The following DPP8 variants were observed in gnomAD, a reference collection of about 807,000 sequenced individuals.
DPP8 encodes dipeptidyl peptidase 8, also known as DPP VIII.
In DPP8, 31 loss-of-function variants were observed where a neutral mutation model predicts 107.5. That is an observed-to-expected ratio of 0.29 (90% CI 0.22 to 0.39). The LOEUF (loss-of-function observed/expected upper bound fraction) is 0.39. Among genes scored for constraint, DPP8 ranks in the 10% least tolerant of loss-of-function variants. The pLI, the probability that DPP8 is intolerant of heterozygous loss-of-function variation, is 1.00. For synonymous variants in DPP8, 381 were observed against 356.6 expected (o/e 1.07, Z -0.77); for missense variants, 842 against 1,076.1 (o/e 0.78, Z 3.04).
intron 3 of DPP8, among the ~76,000 whole-genome samples, chr15:65,502,549 G>A (rs2069371375): frequency 6.6e-6 from 1 of 151,892 alleles, no homozygotes. Flanking sequence ...ATGCTGGTGC[G>A]CATCTGTAGT....
chr15:65,483,051 C>T (rs1050510082), intron 8 of DPP8, among the ~76,000 whole-genome samples: 5 of 151,722 alleles, frequency 3.3e-5, no homozygotes, highest in Non-Finnish European at 7.4e-5. Flanking sequence ...GAGACGAGAT[C>T]GCACCACTGC....
At chr15:65,448,687 A>AT (rs1567123689) in intron 19 of DPP8, among the ~76,000 whole-genome samples, 19 of 132,818 alleles carry the variant, frequency 1.4e-4, no homozygotes, top group African/African-American at 5.7e-4. Context: ...AAAAAAAAAA[A>AT]AAAATATATA....
rs571846221 is a variant in DPP8, at chr15:65,480,277, G to C, written c.1241C>G (p.Pro414Arg). 3 of 1,613,860 alleles carry C rather than the reference G, an allele frequency of 1.9e-6. No individual in the cohort carries two copies. Among genetic ancestry groups the C allele is most frequent in the South Asian group, 2.2e-5 (2 of 91,072 alleles). Residue 414 changes from proline (P) to arginine (R), a missense_variant, in exon 10 of 20, where the codon CCT becomes CGT. Pro to Arg is a moderately radical substitution (Grantham distance 103). Around this residue, in one of 2 missense-constraint regions of DPP8, gnomAD observed 663 missense variants for 758.0 expected, o/e 0.87. Coordinates refer to ENST00000300141, the MANE Select transcript of DPP8 (RefSeq NM_130434.5). ...MERQRLIESV[P>R]DSVTPLIIYE... is the part of the protein sequence containing the mutation. ...GATAATTAGTGGCGTCACAGAATCA[G>C]GCACTGACTCAATGAGTCTCTGCCT...
Position 65,446,914 on chromosome 15 carries a change from T to C in DPP8, c.2619A>G (p.Gly873=). The change falls in exon 20 of 20, where the codon GGA becomes GGG. Residue 873 remains glycine (G), a synonymous_variant. Coordinates refer to ENST00000300141, the MANE Select transcript of DPP8 (RefSeq NM_130434.5). ...HLLHYLQENL[G]SRIAALKVI ...TCACTTTTAGAGCAGCAATACGTGA[T>C]CCAAGGTTTTCTTGAAGGTAGTGCA... The C allele has an allele frequency of 3.1e-6, 5 of 1,613,156 alleles. No homozygotes were observed. Among genetic ancestry groups the C allele is most frequent in the Non-Finnish European group, 4.2e-6 (5 of 1,179,502 alleles).
intron 4 of DPP8, among the ~76,000 whole-genome samples, chr15:65,499,668 G>A (rs1330791652): frequency 6.6e-6 from 1 of 152,020 alleles, no homozygotes; most frequent in African/African-American, 2.4e-5. Flanking sequence ...AGGCTCAAAT[G>A]ATCCTCCCAC....
intron 15 of DPP8, among the ~76,000 whole-genome samples, chr15:65,459,890 G>A (rs1029536953): frequency 1.3e-5 from 2 of 152,112 alleles, no homozygotes; most frequent in East Asian, 3.9e-4. Flanking sequence ...GGGAGGTGGA[G>A]GTTGCAGTGA....
At position 65,467,122 on chromosome 15, in the gene DPP8, C is replaced by T. The variant is rs757101017; in HGVS notation, c.1638G>A (p.Glu546=). Residue 546 remains glutamate (E), a synonymous_variant, in exon 13 of 20, where the codon GAG becomes GAA. Coordinates refer to ENST00000300141, the MANE Select transcript of DPP8 (RefSeq NM_130434.5). ...LYVVSYVNPG[E]VTRLTDRGYS... Reference sequence around the variant, plus strand: ...AGCCACGGTCAGTCAGCCTTGTCACCTCTCCAGGATTTACGTAACTGACTA... The same window carrying T: ...AGCCACGGTCAGTCAGCCTTGTCACTTCTCCAGGATTTACGTAACTGACTA... The T allele has an allele frequency of 1.2e-6, 2 of 1,614,166 alleles. No homozygotes were observed. The highest frequency in any genetic ancestry group is 1.1e-5 in the South Asian group (1 of 91,076).
chr15:65,510,685 T>C (rs1220433324), intron 2 of DPP8, among the ~76,000 whole-genome samples: 1 of 152,170 alleles, frequency 6.6e-6, no homozygotes, highest in African/African-American at 2.4e-5. Context: ...ATTACAAGTG[T>C]GTACTACCAC....
intron 7 of DPP8, 95 bp downstream of exon 7, chr15:65,487,595 A>C: frequency 8.3e-7 from 1 of 1,198,522 alleles, no homozygotes; most frequent in Non-Finnish European, 1.2e-6. Flanking sequence ...GCTGGAAATG[A>C]CCAATGTTGT....
Position 65,452,042 on chromosome 15 carries a change from G to A in DPP8, c.2332C>T (p.Arg778Cys), listed in dbSNP as rs747483619. Residue 778 changes from arginine (R) to cysteine (C), a missense_variant, in exon 18 of 20, where the codon CGT becomes TGT. By Grantham distance (180) the Arg-to-Cys change is radical. Coordinates refer to ENST00000300141, the MANE Select transcript of DPP8 (RefSeq NM_130434.5). ...WIFYDTGYTERYMGHPDQNEQ... is the reference protein window; with the variant it reads ...WIFYDTGYTECYMGHPDQNEQ... The stretch of plus-strand genomic sequence containing the variant: ...TTCTGGTCAGGGTGACCCATATAAC[G>A]TTCCGTGTATCCTGTATCATAGAAG... The A allele has an allele frequency of 3.1e-6, 5 of 1,612,368 alleles. No individual in the cohort carries two copies. Among genetic ancestry groups the A allele is most frequent in the African/African-American group, 1.3e-5 (1 of 74,588 alleles).
At chr15:65,479,091 A>T in intron 10 of DPP8, 52 bp from the exon 11 acceptor site, 1 of 1,281,154 alleles carries the variant, frequency 7.8e-7, no homozygotes, top group East Asian at 2.8e-5. Flanking sequence ...ATACTACATA[A>T]TTCAATTAGG....
intron 5 of DPP8, among the ~76,000 whole-genome samples, chr15:65,494,727 T>C (rs577260476): frequency 5.2e-4 from 79 of 151,784 alleles, no homozygotes; most frequent in African/African-American, 1.9e-3. Flanking sequence ...ATCTTTCTAC[T>C]GCCATTGGTA....
At chr15:65,464,465 T>C (rs140274173) in intron 14 of DPP8, among the ~76,000 whole-genome samples, 3 of 152,238 alleles carry the variant, frequency 2.0e-5, no homozygotes, top group African/African-American at 7.2e-5. Context: ...GTGGATTGCT[T>C]GAGCCCAAGA....
intron 19 of DPP8, among the ~76,000 whole-genome samples, chr15:65,449,919 C>G (rs1425271006): frequency 6.8e-6 from 1 of 147,664 alleles, no homozygotes; most frequent in Non-Finnish European, 1.5e-5. Flanking sequence ...TATAGTTTCT[C>G]TCTATGAAAA....
intron 2 of DPP8, among the ~76,000 whole-genome samples, chr15:65,509,565 T>C (rs1350731540): frequency 6.6e-6 from 1 of 152,242 alleles, no homozygotes; most frequent in Admixed American, 6.5e-5. Context: ...ATGAGTCTTG[T>C]TTCTCTTTAG....
chr15:65,459,954 C>CA (rs909374008), intron 15 of DPP8, among the ~76,000 whole-genome samples: 113 of 130,608 alleles, frequency 8.7e-4, no homozygotes, highest in Middle Eastern at 4.1e-3. Flanking sequence ...GACTCCATCT[C>CA]AAAAAAAAAA....
chr15:65,512,595 C>A, intron 1 of DPP8, 31 bp from the exon 2 acceptor site: 1 of 1,609,788 alleles, frequency 6.2e-7, no homozygotes, highest in East Asian at 2.2e-5. Flanking sequence ...AAGCTGTTCA[C>A]GGGTCTATCT....
rs369369442 is a variant in DPP8, at chr15:65,445,447, T to A, written c.*1437A>T. The A allele has an allele frequency of 2.0e-5, 3 of 153,086 alleles. No homozygotes were observed. Among genetic ancestry groups the A allele is most frequent in the African/African-American group, 7.3e-5 (3 of 41,372 alleles). 9.5% of individuals were successfully genotyped at this position (153,086 alleles called of 1,614,324 possible). On this transcript the variant is annotated 3_prime_UTR_variant, in exon 20 of 20. Coordinates refer to ENST00000300141, the MANE Select transcript of DPP8 (RefSeq NM_130434.5). ...AGACTCTAACAGGGCAGATCTCAAT[T>A]AGCACCTGAAAGCCTATGAGCTCTC... is the stretch of plus-strand genomic sequence containing the variant.
chr15:65,500,774 T>C lies in DPP8; in HGVS notation c.378A>G (p.Thr126=). Residue 126 remains threonine (T), a synonymous_variant, in exon 4 of 20, where the codon ACA becomes ACG. Transcript: ENST00000300141. ...WKPLLDLFQA[T]LDYGMYSREE... is the part of the protein sequence containing the mutation. The stretch of plus-strand genomic sequence containing the variant: ...CTCGAGAATACATTCCATAGTCCAG[T>C]GTTGCCTAATGTGAAAGGAAAGTCA... 2 of 1,607,186 alleles carry C rather than the reference T, an allele frequency of 1.2e-6. No homozygotes were observed. Among genetic ancestry groups the C allele is most frequent in the Non-Finnish European group, 8.5e-7 (1 of 1,175,886 alleles).
Sources: gnomAD v4.1 joint callset for allele counts (sites outside exome capture counted in the v4.1 genomes callset) on GRCh38, gnomAD v4.1.1 for gene constraint, gnomAD v4.1.1 regional missense constraint, MANE v1.5 for transcripts, NCBI Gene and HGNC (gene_info 2026-07-23, HGNC 2026-07-21) for gene names.